The following PDE3B variants were observed in gnomAD, a reference collection of about 807,000 sequenced individuals.
PDE3B encodes the protein phosphodiesterase 3B.
PDE3B carries 66 observed loss-of-function variants against 116.8 expected under a neutral mutation model. That is an observed-to-expected ratio of 0.56 (90% CI 0.46 to 0.69). PDE3B has a LOEUF of 0.69. Among genes scored for constraint, PDE3B ranks in the 30% least tolerant of loss-of-function variants. The pLI is 0.00. For missense variants in PDE3B, 1,384 were observed against 1,368.1 expected (o/e 1.01, Z -0.18); for synonymous variants, 595 against 533.6 (o/e 1.12, Z -1.59).
chr11:14,745,658 AT>A (rs548217097), intron 1 of PDE3B, among the ~76,000 whole-genome samples: 35 of 151,928 alleles, frequency 2.3e-4, no homozygotes, highest in East Asian at 1.4e-3. Context: ...TATTATGTAT[AT>A]TTTTTTTATT....
intron 12 of PDE3B, 78 bp downstream of exon 12, chr11:14,844,104 T>C: frequency 9.8e-7 from 1 of 1,018,928 alleles, no homozygotes; most frequent in Non-Finnish European, 1.5e-6. Flanking sequence ...TATAAATCAT[T>C]CAGTTGAATC....
rs1470542375 is a variant in PDE3B at position 14,786,739 on chromosome 11, A to C, written c.1278+54A>C. 3 of 1,364,432 alleles carry C rather than the reference A, an allele frequency of 2.2e-6. No homozygotes were observed. In the African/African-American group the frequency reaches 4.3e-5, roughly 20 times the overall value. The allele number at this position is 1,364,432 out of a possible 1,614,324, so 84.5% of individuals were successfully genotyped here. A position where few individuals can be genotyped will look rare whatever the true frequency, so the allele number is the denominator to read the frequency against. ...TTTATCAAATTTAATGATATTTTCA[A>C]ATTAACTGCTCCTTTAAATTCTATA... On this transcript the variant is annotated intron_variant, in intron 3 of 15. Coordinates refer to ENST00000282096, the MANE Select transcript of PDE3B (RefSeq NM_000922.4).
At chr11:14,747,076 G>A (rs189978986) in intron 1 of PDE3B, among the ~76,000 whole-genome samples, 3 of 152,302 alleles carry the variant, frequency 2.0e-5, no homozygotes, top group African/African-American at 4.8e-5. Context: ...GTCATGTGGC[G>A]AGAGCCAGAG....
At chr11:14,793,663 A>T (rs1841325831) in intron 4 of PDE3B, among the ~76,000 whole-genome samples, 1 of 152,104 alleles carries the variant, frequency 6.6e-6, no homozygotes, top group Non-Finnish European at 1.5e-5. Flanking sequence ...TTCCCTGGGG[A>T]AAAAAATAGG....
At chr11:14,734,562 G>A (rs1254460222) in intron 1 of PDE3B, among the ~76,000 whole-genome samples, 1 of 152,030 alleles carries the variant, frequency 6.6e-6, no homozygotes, top group Non-Finnish European at 1.5e-5. Context: ...AGCATGTATT[G>A]CATGATTACA....
chr11:14,725,167 T>A lies in PDE3B; in HGVS notation c.979-46770T>A, dbSNP rs954087658. Among the ~76,000 whole-genome samples, 6 of 152,256 alleles carry A rather than the reference T, an allele frequency of 3.9e-5. No individual in the cohort carries two copies. The East Asian group carries it at 1.2e-3, about 29-fold the overall frequency. On this transcript the variant is annotated intron_variant, in intron 1 of 15. Transcript: ENST00000282096. The stretch of plus-strand genomic sequence containing the variant: ...GGTATCTATATCCAAATCCAAGTGA[T>A]TAATAGGGGCTGCTGCATGCTAGTA...
chr11:14,858,129 G>A (rs1847882666), intron 12 of PDE3B, among the ~76,000 whole-genome samples: 2 of 152,100 alleles, frequency 1.3e-5, no homozygotes. Context: ...AATAAGTAGA[G>A]CTATTCAATT....
At chr11:14,654,969 AG>A (rs5789846) in intron 1 of PDE3B, among the ~76,000 whole-genome samples, 152,229 of 152,230 alleles carry the variant, frequency 1, 76,114 homozygotes, top group Non-Finnish European at 1. Context: ...AAGGAAACCT[AG>A]GCGAACAGGA....
chr11:14,660,204 A>T (rs1853849877), intron 1 of PDE3B, among the ~76,000 whole-genome samples: 1 of 152,134 alleles, frequency 6.6e-6, no homozygotes, highest in Non-Finnish European at 1.5e-5. Flanking sequence ...GGAGGGGAAT[A>T]TCCCCAAAAT....
rs1554980089 is a variant in PDE3B, at chr11:14,672,028, A to AT, written c.978+26975_978+26976insT. Among the ~76,000 whole-genome samples the AT allele has an allele frequency of 4.6e-3, 646 of 140,776 alleles. 7 individuals carry two copies. The highest frequency in any genetic ancestry group is 0.015 in the Middle Eastern group (4 of 270). 92.4% of individuals were successfully genotyped at this position (140,776 alleles called of 152,430 possible). ...TGAGACCTTGTCTTGAAAAAAAAAAAATATATATATATATATACATATATA... is the reference window on the plus strand; with the variant it reads ...TGAGACCTTGTCTTGAAAAAAAAAAATATATATATATATATATACATATATA... On this transcript the variant is annotated intron_variant, in intron 1 of 15. Coordinates refer to ENST00000282096, the MANE Select transcript of PDE3B (RefSeq NM_000922.4).
intron 1 of PDE3B, among the ~76,000 whole-genome samples, chr11:14,696,884 A>G (rs1180313479): frequency 6.6e-6 from 1 of 152,140 alleles, no homozygotes; most frequent in East Asian, 1.9e-4. Context: ...CTTTGCCTAC[A>G]GGAAGATCAC....
Position 14,685,446 on chromosome 11 carries a change from C to CTTTT in PDE3B, c.978+40417_978+40420dup, listed in dbSNP as rs71044017. Among the ~76,000 whole-genome samples, 41 of 86,332 alleles carry CTTTT rather than the reference C, an allele frequency of 4.7e-4. 4 individuals carry two copies. Among genetic ancestry groups the CTTTT allele is most frequent in the East Asian group, 1.1e-3 (3 of 2,700 alleles). 56.6% of individuals were successfully genotyped at this position (86,332 alleles called of 152,430 possible). On this transcript the variant is annotated intron_variant, in intron 1 of 15. Transcript: ENST00000282096. Reference sequence around the variant, plus strand: ...ATCACTAAGGGAACATTTTTCTCATCTTTTTTTTTTTTTTTTTTTTTTTTT... The same window carrying CTTTT: ...ATCACTAAGGGAACATTTTTCTCATCTTTTTTTTTTTTTTTTTTTTTTTTTTTTT...
intron 1 of PDE3B, among the ~76,000 whole-genome samples, chr11:14,657,473 A>C (rs771166515): frequency 2.6e-5 from 4 of 152,246 alleles, no homozygotes; most frequent in African/African-American, 9.6e-5. Context: ...TAATCGTTAA[A>C]AGCAGACAAA....
At chr11:14,721,455 C>T (rs369102167) in intron 1 of PDE3B, among the ~76,000 whole-genome samples, 2 of 151,242 alleles carry the variant, frequency 1.3e-5, no homozygotes, top group East Asian at 3.9e-4. Context: ...AATCATGCTG[C>T]TATAAAGACA....
intron 1 of PDE3B, among the ~76,000 whole-genome samples, chr11:14,665,950 A>G (rs532473056): frequency 6.6e-6 from 1 of 152,314 alleles, no homozygotes; most frequent in Non-Finnish European, 1.5e-5. Context: ...TTCATATGGA[A>G]TGAAAAAAGA....
the PDE3B span, among the ~76,000 whole-genome samples, chr11:14,892,693 T>G: frequency 3.9e-5 from 6 of 152,366 alleles, no homozygotes; most frequent in South Asian, 2.1e-4. Flanking sequence ...AATTGACCCA[T>G]CAGTAGTAAA....
rs183342670 is a variant in PDE3B, at chr11:14,797,789, C to G, written c.1416-6155C>G. Among the ~76,000 whole-genome samples, 683 of 152,176 alleles carry G rather than the reference C, an allele frequency of 4.5e-3. 3 individuals carry two copies. The highest frequency in any genetic ancestry group is 0.015 in the African/African-American group (609 of 41,522). On this transcript the variant is annotated intron_variant, in intron 4 of 15. Transcript: ENST00000282096. ...TTTGCATATTGATTTTTTATCCTGACACTTTTCTGAAGTTGCTTATCAGCT... is the reference window on the plus strand; with the variant it reads ...TTTGCATATTGATTTTTTATCCTGAGACTTTTCTGAAGTTGCTTATCAGCT...
chr11:14,725,210 C>G (rs988243495), intron 1 of PDE3B, among the ~76,000 whole-genome samples: 1 of 152,160 alleles, frequency 6.6e-6, no homozygotes, highest in African/African-American at 2.4e-5. Flanking sequence ...CCACCATTCA[C>G]CCAAATTGGC....
intron 1 of PDE3B, chr11:14,674,528 T>C (rs541505501): frequency 1.8e-5 from 9 of 498,156 alleles, no homozygotes; most frequent in East Asian, 5.0e-5. Flanking sequence ...TCCTGGAATT[T>C]AGGCTTTGGG....
Sources: allele counts gnomAD v4.1 joint callset (sites outside exome capture counted in the v4.1 genomes callset), GRCh38; gene constraint gnomAD v4.1.1; transcripts MANE v1.5; gene names NCBI Gene and HGNC (gene_info 2026-07-23, HGNC 2026-07-21).